The following PLCH1 variants were observed in gnomAD, a reference collection of about 807,000 sequenced individuals.
The protein encoded by PLCH1 is 1-phosphatidylinositol 4,5-bisphosphate phosphodiesterase eta-1.
A neutral mutation model predicts 126.7 loss-of-function variants in PLCH1; 60 were observed. That is an observed-to-expected ratio of 0.47 (90% CI 0.38 to 0.59). The LOEUF is 0.59. Among genes scored for constraint, PLCH1 ranks in the 20% least tolerant of loss-of-function variants. The pLI, the probability that PLCH1 is intolerant of heterozygous loss-of-function variation, is 0.00. For synonymous variants in PLCH1, 719 were observed against 734.9 expected, an observed-to-expected ratio of 0.98 and a Z score of 0.35; for missense variants, 1,723 against 2,040.0, an observed-to-expected ratio of 0.84 and a Z score of 2.99.
chr3:155,595,212 T>G (rs2108649703), intron 3 of PLCH1, among the ~76,000 whole-genome samples: 1 of 152,190 alleles, frequency 6.6e-6, no homozygotes, highest in East Asian at 1.9e-4. Context: ...TCACAGAGAT[T>G]AGCATTATTT....
At chr3:155,553,277 C>A (rs1412035890) in intron 9 of PLCH1, among the ~76,000 whole-genome samples, 1 of 151,990 alleles carries the variant, frequency 6.6e-6, no homozygotes, top group Non-Finnish European at 1.5e-5. Flanking sequence ...ACTACATCCA[C>A]CTAATACTTG....
At chr3:155,600,826 A>G (rs1437945532) in intron 2 of PLCH1, among the ~76,000 whole-genome samples, 11 of 152,332 alleles carry the variant, frequency 7.2e-5, no homozygotes, top group Non-Finnish European at 1.3e-4. Context: ...AATAATTATC[A>G]TTTTAATGGC....
chr3:155,623,194 T>C (rs1210701116), intron 2 of PLCH1, among the ~76,000 whole-genome samples: 1 of 152,176 alleles, frequency 6.6e-6, no homozygotes, highest in Non-Finnish European at 1.5e-5. Flanking sequence ...ATAAATATGT[T>C]CTTTGAAACC....
intron 1 of PLCH1, among the ~76,000 whole-genome samples, chr3:155,712,326 G>T (rs1048725860): frequency 6.6e-6 from 1 of 152,168 alleles, no homozygotes. Context: ...TGGCTGAAAA[G>T]GATTCCCCCA....
At chr3:155,622,729 T>G (rs1262835251) in intron 2 of PLCH1, among the ~76,000 whole-genome samples, 1 of 152,134 alleles carries the variant, frequency 6.6e-6, no homozygotes, top group East Asian at 1.9e-4. Flanking sequence ...TAAATATATA[T>G]GCACTCAACA....
At chr3:155,517,857 G>C (rs543046333) in intron 11 of PLCH1, among the ~76,000 whole-genome samples, 56 of 152,244 alleles carry the variant, frequency 3.7e-4, no homozygotes, top group African/African-American at 1.1e-3. Context: ...AAAGCATGGA[G>C]AAAACAAAAA....
At chr3:155,662,557 T>C (rs1742290093) in intron 2 of PLCH1, among the ~76,000 whole-genome samples, 1 of 151,550 alleles carries the variant, frequency 6.6e-6, no homozygotes, top group Admixed American at 6.6e-5. Context: ...GAGACTAAAA[T>C]AAGAGGCCAA....
intron 2 of PLCH1, among the ~76,000 whole-genome samples, chr3:155,600,654 G>C (rs896575424): frequency 2.7e-5 from 4 of 150,438 alleles, no homozygotes; most frequent in African/African-American, 4.9e-5. Context: ...ACATCTACCA[G>C]CCCATCACAC....
At chr3:155,569,588 A>C (rs1728944836) in intron 6 of PLCH1, among the ~76,000 whole-genome samples, 2 of 152,196 alleles carry the variant, frequency 1.3e-5, no homozygotes, top group African/African-American at 2.4e-5. Flanking sequence ...AATACCTCCA[A>C]GGAACTCTAC....
At chr3:155,670,335 C>G (rs1332911559) in intron 2 of PLCH1, among the ~76,000 whole-genome samples, 1 of 152,072 alleles carries the variant, frequency 6.6e-6, no homozygotes, top group Non-Finnish European at 1.5e-5. Flanking sequence ...TATATTTTCT[C>G]AAGTTTTATC....
rs774506420 is a variant in PLCH1, at chr3:155,514,786, A to G, written c.1569T>C (p.Asp523=). 1.2e-6 allele frequency: 2 copies of G among 1,613,428 alleles called. No homozygotes were observed. The highest frequency in any genetic ancestry group is 1.1e-5 in the South Asian group (1 of 90,974). ...TCAGTAGTGCCCGCACTGTGAAACT[A>G]TCAGGATCTTCTTTATCTCGAATTT... ...ESQIRDKEDP[D]SFTVRALLKA... is the part of the protein sequence containing the mutation. The change falls in exon 12 of 23, where the codon GAT becomes GAC. Residue 523 remains aspartate, a synonymous_variant. Coordinates refer to ENST00000460012, the MANE Select transcript of PLCH1 (RefSeq NM_014996.4).
intron 2 of PLCH1, among the ~76,000 whole-genome samples, chr3:155,642,033 T>C (rs879316137): frequency 6.6e-6 from 1 of 152,162 alleles, no homozygotes; most frequent in East Asian, 1.9e-4. Context: ...AAAAAAAGAA[T>C]AGCTAAATCT....
intron 20 of PLCH1, among the ~76,000 whole-genome samples, 169 bp from the exon 21 acceptor site, chr3:155,488,276 C>A (rs1404091389): frequency 6.6e-6 from 1 of 152,054 alleles, no homozygotes; most frequent in Non-Finnish European, 1.5e-5. Flanking sequence ...TGGCTCACTG[C>A]AAACCCCGCC....
intron 2 of PLCH1, among the ~76,000 whole-genome samples, chr3:155,669,205 G>A (rs543698817): frequency 6.6e-6 from 1 of 150,642 alleles, no homozygotes; most frequent in African/African-American, 2.4e-5. Flanking sequence ...GTAGTAATGA[G>A]AGAATATGAA....
rs375170575 is a variant in PLCH1 at position 155,529,155 on chromosome 3, A to G, written c.1363-5151T>C. 1.2e-4 allele frequency among the ~76,000 whole-genome samples: 19 copies of G among 152,308 alleles called. No homozygotes were observed. The South Asian group carries it at 1.4e-3, about 12-fold the overall frequency. On this transcript the variant is annotated intron_variant, in intron 10 of 22. Transcript: ENST00000460012. ...GGTGTCTTCCAGAGGTCCCTTTCTG[A>G]TCTACATATATTTCATGCAGAAGTT...
intron 8 of PLCH1, among the ~76,000 whole-genome samples, chr3:155,563,581 C>A (rs1437122502): frequency 1.3e-5 from 2 of 151,734 alleles, no homozygotes; most frequent in Non-Finnish European, 2.9e-5. Context: ...GCCTTCCCAC[C>A]AACTTCCTGC....
intron 6 of PLCH1, among the ~76,000 whole-genome samples, chr3:155,570,468 C>A (rs1308669967): frequency 3.3e-5 from 5 of 152,108 alleles, no homozygotes; most frequent in Admixed American, 6.5e-5. Context: ...GAATATTGTT[C>A]TTTCTACAGG....
chr3:155,635,222 T>C (rs1738580101), intron 2 of PLCH1, among the ~76,000 whole-genome samples: 1 of 152,136 alleles, frequency 6.6e-6, no homozygotes, highest in African/African-American at 2.4e-5. Flanking sequence ...CATCTCTTTT[T>C]CCTTTCCATC....
chr3:155,623,517 T>G (rs904191450), intron 2 of PLCH1, among the ~76,000 whole-genome samples: 1 of 151,808 alleles, frequency 6.6e-6, no homozygotes, highest in African/African-American at 2.4e-5. Context: ...CTAGCCAGAC[T>G]AATAAAGAAG....
Sources: allele counts gnomAD v4.1 joint callset (sites outside exome capture counted in the v4.1 genomes callset), GRCh38; gene constraint gnomAD v4.1.1; transcripts MANE v1.5; gene names NCBI Gene and HGNC (gene_info 2026-07-23, HGNC 2026-07-21).